The following USP34 variants were observed in gnomAD, a reference collection of about 807,000 sequenced individuals.
USP34 encodes ubiquitin specific peptidase 34.
USP34 carries 70 observed loss-of-function variants against 460.3 expected under a neutral mutation model. That is an observed-to-expected ratio of 0.15 (90% CI 0.13 to 0.19). USP34 has a LOEUF of 0.19. Ranked by LOEUF, USP34 falls within the 10% of genes least tolerant of loss-of-function variation. USP34 has a pLI of 1.00. For synonymous variants in USP34, 1,647 were observed against 1,405.3 expected (o/e 1.17, Z -3.85); for missense variants, 3,985 against 4,236.2 (o/e 0.94, Z 1.65).
chr2:61,263,223 A>G lies in USP34; in HGVS notation c.5778+2174T>C, dbSNP rs573229582. Among the ~76,000 whole-genome samples the G allele has an allele frequency of 4.0e-5, 5 of 124,168 alleles. No homozygotes were observed. The South Asian group carries it at 7.6e-4, about 19-fold the overall frequency. 81.5% of individuals were successfully genotyped at this position (124,168 alleles called of 152,430 possible). On this transcript the variant is annotated intron_variant, in intron 43 of 79. Coordinates refer to ENST00000398571, the MANE Select transcript of USP34 (RefSeq NM_014709.4). ...TGAGAGAAGTCTCGCTCTTGTCCCC[A>G]AAGTTTGAGTGTAATGGCTCGATCT... is the stretch of plus-strand genomic sequence containing the variant.
intron 53 of USP34, among the ~76,000 whole-genome samples, chr2:61,238,483 A>C (rs1432069662): frequency 6.6e-6 from 1 of 152,140 alleles, no homozygotes; most frequent in Non-Finnish European, 1.5e-5. Context: ...GTTACCTTCT[A>C]TTATCTGTAA....
intron 66 of USP34, 22 bp from the exon 67 acceptor site, chr2:61,220,479 C>T: frequency 1.3e-6 from 2 of 1,590,304 alleles, no homozygotes; most frequent in Non-Finnish European, 1.7e-6. Flanking sequence ...ATGACAAGAA[C>T]AGAATATAAG....
intron 2 of USP34, among the ~76,000 whole-genome samples, chr2:61,413,054 A>G (rs1175081656): frequency 1.3e-5 from 2 of 152,172 alleles, no homozygotes; most frequent in Non-Finnish European, 2.9e-5. Flanking sequence ...AAATTTCTGA[A>G]GCTGAGGAGG....
intron 8 of USP34, among the ~76,000 whole-genome samples, chr2:61,375,540 C>A (rs1309705602): frequency 6.6e-6 from 1 of 152,038 alleles, no homozygotes; most frequent in Non-Finnish European, 1.5e-5. Flanking sequence ...GAGGCCAAGG[C>A]AGGCGGATCA....
intron 72 of USP34, among the ~76,000 whole-genome samples, chr2:61,205,385 T>C (rs73932693): frequency 0.035 from 5,307 of 152,272 alleles, 318 homozygotes; most frequent in African/African-American, 0.12. Flanking sequence ...TTGTGTGCCC[T>C]TCCCCTCTTG....
intron 65 of USP34, among the ~76,000 whole-genome samples, chr2:61,222,398 C>T (rs781232368): frequency 3.3e-5 from 5 of 152,118 alleles, no homozygotes; most frequent in Non-Finnish European, 7.4e-5. Flanking sequence ...CACTCTGATA[C>T]AATGAGTCTA....
rs755411028 is a variant in USP34, at chr2:61,265,512, C to T, written c.5663G>A (p.Arg1888His). 1.7e-5 allele frequency: 27 copies of T among 1,612,806 alleles called. No homozygotes were observed. Among genetic ancestry groups the T allele is most frequent in the South Asian group, 9.9e-5 (9 of 90,824 alleles). Residue 1888 changes from arginine to histidine, a missense_variant, in exon 43 of 80, where the codon CGT (arginine) becomes CAT (histidine). Physicochemically the swap from Arg to His is conservative, Grantham distance 29. Around this residue, in one of 14 missense-constraint regions of USP34, gnomAD observed 145 missense variants for 291.6 expected, o/e 0.50. Transcript: ENST00000398571. ...AAGGCCAACAAATCTACATTCAGCA[C>T]GGACATCTTCATGAGGCCAGTAATC... ...KWDYWPHEDVRAECRFVGLTN... is the reference protein window; with the variant it reads ...KWDYWPHEDVHAECRFVGLTN...
intron 2 of USP34, among the ~76,000 whole-genome samples, chr2:61,412,816 G>C (rs1694078080): frequency 1.4e-5 from 2 of 146,642 alleles, no homozygotes; most frequent in African/African-American, 2.5e-5. Flanking sequence ...TTGAGCCCAG[G>C]AAGTCGAGGC....
intron 76 of USP34, 142 bp from the exon 77 acceptor site, chr2:61,190,800 AACTC>A (rs1355975548): frequency 9.8e-7 from 1 of 1,016,762 alleles, no homozygotes; most frequent in African/African-American, 1.6e-5. Context: ...AGCCATGTCT[AACTC>A]ACCTATTGAA....
intron 1 of USP34, among the ~76,000 whole-genome samples, chr2:61,446,129 A>AAC (rs1421024154): frequency 6.6e-6 from 1 of 151,560 alleles, no homozygotes; most frequent in African/African-American, 2.4e-5. Context: ...AAAAAAAAAA[A>AAC]AAAAACTAAA....
chr2:61,359,396 A>G (rs1018298011), intron 10 of USP34, among the ~76,000 whole-genome samples: 1 of 152,216 alleles, frequency 6.6e-6, no homozygotes, highest in African/African-American at 2.4e-5. Flanking sequence ...TTACATGTAA[A>G]AAGAATAAAG....
intron 10 of USP34, among the ~76,000 whole-genome samples, chr2:61,366,989 C>A (rs1337556035): frequency 1.3e-5 from 2 of 152,048 alleles, no homozygotes; most frequent in Admixed American, 6.6e-5. Flanking sequence ...GCAGAAGCTG[C>A]AGCAAGTCAA....
intron 20 of USP34, among the ~76,000 whole-genome samples, chr2:61,327,553 G>A (rs17541618): frequency 0.041 from 6,304 of 152,288 alleles, 179 homozygotes; most frequent in Non-Finnish European, 0.065. Flanking sequence ...TTGTCTATGG[G>A]ACATCAATCA....
intron 21 of USP34, among the ~76,000 whole-genome samples, chr2:61,323,248 A>C (rs1303889417): frequency 6.6e-6 from 1 of 152,226 alleles, no homozygotes; most frequent in Non-Finnish European, 1.5e-5. Flanking sequence ...GCAGCGGCTC[A>C]CGCCTGTAAT....
chr2:61,213,567 C>A (rs1687326147), intron 68 of USP34, among the ~76,000 whole-genome samples: 1 of 152,070 alleles, frequency 6.6e-6, no homozygotes, highest in African/African-American at 2.4e-5. Context: ...ATTTAGACTG[C>A]ATATATATGT....
chr2:61,206,922 C>A, intron 70 of USP34, 36 bp from the exon 71 acceptor site: 5 of 1,601,428 alleles, frequency 3.1e-6, no homozygotes, highest in Non-Finnish European at 4.3e-6. Context: ...AACTTAATTT[C>A]ATTTTTGCTT....
intron 2 of USP34, among the ~76,000 whole-genome samples, chr2:61,417,719 C>CTT (rs201901250): frequency 1.1e-4 from 14 of 130,740 alleles, no homozygotes; most frequent in East Asian, 6.5e-4. Flanking sequence ...ATACTAAAAT[C>CTT]TTTTTTTTTT....
At chr2:61,267,101 T>C (rs1260040162) in intron 41 of USP34, among the ~76,000 whole-genome samples, 1 of 152,176 alleles carries the variant, frequency 6.6e-6, no homozygotes, top group African/African-American at 2.4e-5. Context: ...TGAACACATC[T>C]TGTGGAACTC....
intron 41 of USP34, among the ~76,000 whole-genome samples, chr2:61,268,886 A>T (rs1689133251): frequency 1.3e-5 from 2 of 152,176 alleles, no homozygotes; most frequent in South Asian, 4.1e-4. Flanking sequence ...TAAATGTTTC[A>T]TACTAGTTTG....
Sources: allele counts gnomAD v4.1 joint callset (sites outside exome capture counted in the v4.1 genomes callset), GRCh38; gene constraint gnomAD v4.1.1; regional missense constraint gnomAD v4.1.1; transcripts MANE v1.5; gene names NCBI Gene and HGNC (gene_info 2026-07-23, HGNC 2026-07-21).